DCK: variants seen among roughly 807,000 people sequenced by gnomAD.
The protein encoded by DCK is deoxyadenosine kinase.
In DCK, 23 loss-of-function variants were observed where a neutral mutation model predicts 38.3. The ratio of observed to expected loss-of-function variants is 0.60; its 90% CI spans 0.43 to 0.85. The LOEUF is 0.85. DCK is among the 40% of genes least tolerant of loss of function. The probability of loss-of-function intolerance (pLI) is 0.00; values close to 1 mark genes in which losing one functional copy is unlikely to be tolerated. For missense variants in DCK, 259 were observed against 304.4 expected (o/e 0.85, Z 1.11); for synonymous variants, 108 against 100.6 (o/e 1.07, Z -0.44).
intron 2 of DCK, among the ~76,000 whole-genome samples, chr4:71,003,502 T>C (rs186650898): frequency 2.0e-5 from 3 of 152,344 alleles, no homozygotes; most frequent in African/African-American, 7.2e-5. Context: ...AATGTTGGCC[T>C]GTCTTGCTAG....
chr4:71,010,661 A>G (rs919707871), intron 2 of DCK, among the ~76,000 whole-genome samples: 3 of 147,620 alleles, frequency 2.0e-5, no homozygotes, highest in African/African-American at 4.9e-5. Flanking sequence ...AATTATATAC[A>G]TAAGTTATAT....
chr4:71,013,629 G>T (rs6446999), intron 2 of DCK, among the ~76,000 whole-genome samples: 148,491 of 152,266 alleles, frequency 0.98, 72,518 homozygotes, highest in Non-Finnish European at 1. Context: ...AAACGAATTT[G>T]CAACCCAGAA....
chr4:71,018,240 C>T (rs756918906), intron 2 of DCK, among the ~76,000 whole-genome samples: 4 of 150,280 alleles, frequency 2.7e-5, no homozygotes, highest in African/African-American at 7.3e-5. Flanking sequence ...CATTCTTGTG[C>T]CTCAGCCTCC....
intron 2 of DCK, among the ~76,000 whole-genome samples, chr4:71,009,076 T>C (rs1740023873): frequency 6.6e-6 from 1 of 152,204 alleles, no homozygotes; most frequent in African/African-American, 2.4e-5. Context: ...AAAAATACAT[T>C]GTACTCAGGT....
At chr4:71,029,232 G>A in intron 6 of DCK, 120 bp from the exon 7 acceptor site, 1 of 562,926 alleles carries the variant, frequency 1.8e-6, no homozygotes, top group South Asian at 3.3e-5. Context: ...CAATGGCATT[G>A]TGGTAGTTAC....
intron 6 of DCK, chr4:71,028,663 T>G (rs1411488479): frequency 4.5e-6 from 2 of 445,538 alleles, no homozygotes; most frequent in Admixed American, 4.9e-5. Flanking sequence ...TGGCACAATC[T>G]TGGCTCACTG....
intron 2 of DCK, among the ~76,000 whole-genome samples, chr4:71,014,683 C>T (rs1340157872): frequency 2.6e-5 from 4 of 152,228 alleles, no homozygotes; most frequent in East Asian, 3.9e-4. Context: ...GGGTACATAA[C>T]GAAATGAAGG....
At chr4:71,006,282 C>T (rs1258716876) in intron 2 of DCK, 2 of 922,800 alleles carry the variant, frequency 2.2e-6, no homozygotes, top group South Asian at 5.0e-5. Flanking sequence ...TGTAATTTTG[C>T]AGCATTTTAC....
At chr4:71,010,174 T>C (rs1740049364) in intron 2 of DCK, among the ~76,000 whole-genome samples, 1 of 151,702 alleles carries the variant, frequency 6.6e-6, no homozygotes, top group African/African-American at 2.4e-5. Context: ...AGCTTTTTTT[T>C]TTTTTTTTTA....
chr4:71,011,157 GGT>G (rs892541218), intron 2 of DCK, among the ~76,000 whole-genome samples: 24 of 150,492 alleles, frequency 1.6e-4, no homozygotes, highest in African/African-American at 5.9e-4. Context: ...TGGCCAGGCT[GGT>G]CTTGAACTCC....
chr4:71,022,506 T>C lies in DCK; in HGVS notation c.347T>C (p.Leu116Pro). Residue 116 changes from leucine to proline, a missense_variant, in exon 3 of 7, where the codon CTC (leucine) becomes CCC (proline). By Grantham distance (98) the Leu-to-Pro change is moderately conservative. This residue lies in a region of DCK where 159 missense variants were observed against 159.0 expected (regional missense o/e 1.00). Coordinates refer to ENST00000286648, the MANE Select transcript of DCK (RefSeq NM_000788.3). ...CAGCTTGCCTCTCTGAATGGCAAGC[T>C]CAAAGATGCAGAGAAACCTGTATTA... ...RAQLASLNGK[L>P]KDAEKPVLFF... 1 of 1,605,072 alleles carries C rather than the reference T, an allele frequency of 6.2e-7. No homozygotes were observed. Among genetic ancestry groups the C allele is most frequent in the Non-Finnish European group, 8.5e-7 (1 of 1,176,806 alleles).
At chr4:71,028,541 AT>A in intron 6 of DCK, 1 of 377,316 alleles carries the variant, frequency 2.7e-6, no homozygotes, top group South Asian at 2.0e-5. Flanking sequence ...AGAGCAATAA[AT>A]AACTCCTAAA....
intron 4 of DCK, among the ~76,000 whole-genome samples, chr4:71,025,037 T>A (rs1430864084): frequency 6.6e-6 from 1 of 152,066 alleles, no homozygotes; most frequent in Non-Finnish European, 1.5e-5. Context: ...AAACACAGTT[T>A]GTATGCTGCC....
chr4:71,017,851 T>C (rs1302732463), intron 2 of DCK, among the ~76,000 whole-genome samples: 1 of 151,740 alleles, frequency 6.6e-6, no homozygotes, highest in Admixed American at 6.6e-5. Flanking sequence ...ATGGGTGCAG[T>C]ACACCAACAT....
chr4:70,993,720 C>G lies in DCK; in HGVS notation c.-116C>G. ...GCCGGCGGGCCGGTGAGCTCACTAG[C>G]TGACCCGGCAGGTCAGGATCTGGCT... is the stretch of plus-strand genomic sequence containing the variant. On this transcript the variant is annotated 5_prime_UTR_variant, in exon 1 of 7. Transcript: ENST00000286648. 1.5e-6 allele frequency: 1 copy of G among 681,338 alleles called. No individual in the cohort carries two copies. The highest frequency in any genetic ancestry group is 2.5e-6 in the Non-Finnish European group (1 of 402,228). The allele number at this position is 681,338 out of a possible 1,614,324, so 42.2% of individuals were successfully genotyped here.
chr4:71,015,522 C>T (rs1024655814), intron 2 of DCK, among the ~76,000 whole-genome samples: 1 of 152,100 alleles, frequency 6.6e-6, no homozygotes, highest in African/African-American at 2.4e-5. Flanking sequence ...AACATCGATG[C>T]AAAAATCCTC....
intron 2 of DCK, chr4:71,006,223 C>A: frequency 3.9e-6 from 1 of 257,708 alleles, no homozygotes; most frequent in Non-Finnish European, 6.0e-6. Flanking sequence ...CATTTACTCT[C>A]ATTTCTTTTT....
intron 2 of DCK, among the ~76,000 whole-genome samples, chr4:71,020,810 C>T (rs1019219306): frequency 6.6e-6 from 1 of 151,964 alleles, no homozygotes; most frequent in African/African-American, 2.4e-5. Context: ...GCTCCTTTGT[C>T]CTTGGCACAA....
chr4:71,027,823 TTAAG>T (rs1740579379), intron 6 of DCK, among the ~76,000 whole-genome samples: 1 of 152,210 alleles, frequency 6.6e-6, no homozygotes, highest in African/African-American at 2.4e-5. Context: ...AAAGTCAGCA[TTAAG>T]TATTAACAGC....
Sources: allele counts gnomAD v4.1 joint callset (sites outside exome capture counted in the v4.1 genomes callset), GRCh38; gene constraint gnomAD v4.1.1; regional missense constraint gnomAD v4.1.1; transcripts MANE v1.5; gene names NCBI Gene and HGNC (gene_info 2026-07-23, HGNC 2026-07-21).